Variants in CHST15 observed in about 807,000 individuals in gnomAD.
CHST15 encodes the protein carbohydrate sulfotransferase 15.
Under a neutral mutation model 53.6 loss-of-function variants are expected in CHST15, and 30 were observed. The ratio of observed to expected loss-of-function variants is 0.56; its 90% confidence interval spans 0.42 to 0.76. The LOEUF is 0.76. Among genes scored for constraint, CHST15 ranks in the 30% least tolerant of loss-of-function variants. CHST15 has a pLI of 0.00. For synonymous variants in CHST15, 296 were observed against 289.8 expected (o/e 1.02, Z -0.22); for missense variants, 627 against 740.5 (o/e 0.85, Z 1.78).
intron 1 of CHST15, among the ~76,000 whole-genome samples, chr10:124,087,113 C>T (rs867574588): frequency 1.1e-4 from 16 of 152,322 alleles, no homozygotes; most frequent in Middle Eastern, 3.4e-3. Context: ...AGACCACTTT[C>T]GTGGAAGGGT....
intron 1 of CHST15, among the ~76,000 whole-genome samples, chr10:124,075,560 C>T (rs936213246): frequency 6.6e-6 from 1 of 152,166 alleles, no homozygotes; most frequent in Non-Finnish European, 1.5e-5. Context: ...AGACGCTGCT[C>T]GGAAGAGATC....
intron 1 of CHST15, among the ~76,000 whole-genome samples, chr10:124,048,818 G>T (rs1948091209): frequency 6.6e-6 from 1 of 152,100 alleles, no homozygotes; most frequent in East Asian, 1.9e-4. Flanking sequence ...TCCAAGATAG[G>T]AATGTACATA....
chr10:124,010,939 G>T (rs1243230047), intron 7 of CHST15: 1 of 985,384 alleles, frequency 1.0e-6, no homozygotes, highest in South Asian at 4.7e-5. Context: ...GAGGCCTGCC[G>T]GCAAGGGCTG....
At position 124,038,838 on chromosome 10, in the gene CHST15, G is replaced by A. The variant is rs187153558; in HGVS notation, c.1034-167C>T. ...TCTGGGACTCCAAAGAGAGAAGGTT[G>A]GATGCCCCCCCCTGCCACAGCCACA... On this transcript the variant is annotated intron_variant, in intron 4 of 7. Transcript: ENST00000435907. 2.4e-4 allele frequency among the ~76,000 whole-genome samples: 36 copies of A among 151,912 alleles called. 1 individual carries two copies. Among genetic ancestry groups the A allele is most frequent in the Admixed American group, 2.0e-3 (31 of 15,272 alleles).
chr10:124,050,878 G>A (rs1948165937), intron 1 of CHST15, among the ~76,000 whole-genome samples: 1 of 152,166 alleles, frequency 6.6e-6, no homozygotes, highest in Non-Finnish European at 1.5e-5. Flanking sequence ...ACCAGGCTCT[G>A]TAGAGTCTTG....
intron 1 of CHST15, among the ~76,000 whole-genome samples, chr10:124,062,344 G>C (rs1037580290): frequency 2.6e-5 from 4 of 152,218 alleles, no homozygotes; most frequent in Non-Finnish European, 5.9e-5. Context: ...CTTGTGGAAA[G>C]AGAAACATGG....
chr10:124,011,512 C>T (rs545768790), intron 7 of CHST15: 146 of 985,476 alleles, frequency 1.5e-4, no homozygotes, highest in African/African-American at 5.2e-4. Flanking sequence ...ACCAAGTTCC[C>T]GGGCAAGACC....
intron 5 of CHST15, among the ~76,000 whole-genome samples, chr10:124,033,658 G>A (rs968823732): frequency 1.2e-4 from 18 of 152,310 alleles, no homozygotes; most frequent in Non-Finnish European, 7.4e-5. Flanking sequence ...CAGCCATACC[G>A]GAGAGGCCCT....
chr10:124,035,317 A>ATAGGTACCCCGGCTCCACCCC (rs1947441053), intron 5 of CHST15, among the ~76,000 whole-genome samples: 1 of 30,556 alleles, frequency 3.3e-5, no homozygotes, highest in Admixed American at 3.3e-4. Flanking sequence ...GGCTCCACCC[A>ATAGGTACCCCGGCTCCACCCC]CTAACAGGGA....
At chr10:124,022,191 T>C (rs973863782) in intron 5 of CHST15, among the ~76,000 whole-genome samples, 7 of 152,232 alleles carry the variant, frequency 4.6e-5, no homozygotes, top group African/African-American at 1.7e-4. Context: ...AGAATCCTGC[T>C]GTTAAATAAA....
chr10:124,059,936 G>A (rs1164339735), intron 1 of CHST15, among the ~76,000 whole-genome samples: 2 of 152,154 alleles, frequency 1.3e-5, no homozygotes, highest in Admixed American at 1.3e-4. Flanking sequence ...GGGTTTTAGA[G>A]CCAGGCGAGT....
chr10:124,040,097 A>ATAAGAATAAAGGACAAG (rs1947679770), intron 4 of CHST15, among the ~76,000 whole-genome samples: 1 of 152,176 alleles, frequency 6.6e-6, no homozygotes, highest in Non-Finnish European at 1.5e-5. Flanking sequence ...TCTACTCACA[A>ATAAGAATAAAGGACAAG]TGAATAAGAA....
Position 124,012,466 on chromosome 10 carries a change from A to G in CHST15, c.1362T>C (p.Val454=), listed in dbSNP as rs1159860998. The part of the protein sequence containing the change: ...LNNAMPVRLQ[V]GLYAVYLLDW... ...CCAGAAGGTACACAGCATAGAGCCC[A>G]ACCTGGAGCCTCACCTAGGACCACA... Residue 454 remains valine (V), a synonymous_variant, in exon 7 of 8, where the codon GTT becomes GTC. Transcript: ENST00000435907. 12 of 1,613,430 alleles carry G rather than the reference A, an allele frequency of 7.4e-6. No homozygotes were observed. The highest frequency in any genetic ancestry group is 6.8e-6 in the Non-Finnish European group (8 of 1,179,492).
chr10:124,017,396 G>A (rs912988830), intron 6 of CHST15, among the ~76,000 whole-genome samples: 4 of 152,100 alleles, frequency 2.6e-5, no homozygotes, highest in Non-Finnish European at 4.4e-5. Flanking sequence ...GCCCCTCACT[G>A]TCCTCATCTG....
At position 124,044,623 on chromosome 10, in the gene CHST15, G is replaced by A; in HGVS notation, c.843C>T (p.Phe281=). The stretch of plus-strand genomic sequence containing the variant: ...ACCAGTGTGGCTCCTTGATGGCGGA[G>A]AACTTGACCTCAGGGTGCAGCCGCA... ...DRLRLHPEVK[F]SAIKEPHWWT... Residue 281 remains phenylalanine (F), a synonymous_variant, in exon 3 of 8, where the codon TTC becomes TTT. Transcript: ENST00000435907. 3 of 1,587,050 alleles carry A rather than the reference G, an allele frequency of 1.9e-6. No individual in the cohort carries two copies. The South Asian group carries it at 3.4e-5, about 18-fold the overall frequency.
At chr10:124,057,373 A>G (rs952366427) in intron 1 of CHST15, among the ~76,000 whole-genome samples, 1 of 152,236 alleles carries the variant, frequency 6.6e-6, no homozygotes, top group African/African-American at 2.4e-5. Flanking sequence ...AAAGAGACAC[A>G]GGGTTTTCTC....
intron 1 of CHST15, among the ~76,000 whole-genome samples, chr10:124,082,832 T>A (rs1429175529): frequency 6.6e-6 from 1 of 152,214 alleles, no homozygotes; most frequent in African/African-American, 2.4e-5. Context: ...CCTCATTCTA[T>A]GTGATTCTGC....
intron 1 of CHST15, among the ~76,000 whole-genome samples, chr10:124,071,096 G>C (rs1216139107): frequency 6.6e-6 from 1 of 152,200 alleles, no homozygotes; most frequent in South Asian, 2.1e-4. Context: ...CTAACTTAAA[G>C]GCAGAGTTCT....
At chr10:124,069,049 T>TA (rs1400060185) in intron 1 of CHST15, among the ~76,000 whole-genome samples, 1 of 152,200 alleles carries the variant, frequency 6.6e-6, no homozygotes, top group Non-Finnish European at 1.5e-5. Flanking sequence ...CAGACAGGAC[T>TA]AGGCAGGATG....
Sources: allele counts gnomAD v4.1 joint callset (sites outside exome capture counted in the v4.1 genomes callset), GRCh38; gene constraint gnomAD v4.1.1; transcripts MANE v1.5; gene names NCBI Gene and HGNC (gene_info 2026-07-23, HGNC 2026-07-21).